The following CSNK2A2IP variants were observed in gnomAD, a reference collection of about 807,000 sequenced individuals.
CSNK2A2IP encodes the protein casein kinase 2 subunit alpha' interacting protein, also known as casein kinase II subunit alpha'-interacting protein.
the CSNK2A2IP span, among the ~76,000 whole-genome samples, chr3:88,353,487 G>A: frequency 6.6e-6 from 1 of 152,134 alleles, no homozygotes; most frequent in South Asian, 2.1e-4. Flanking sequence ...CCCTGCCATG[G>A]AAGCATATGT....
At chr3:88,383,015 G>A in the CSNK2A2IP span, among the ~76,000 whole-genome samples, 1 of 152,124 alleles carries the variant, frequency 6.6e-6, no homozygotes, top group Non-Finnish European at 1.5e-5. Context: ...TTGTAAAACA[G>A]TTTACACTGT....
the CSNK2A2IP span, among the ~76,000 whole-genome samples, chr3:88,388,203 AT>A: frequency 6.6e-6 from 1 of 152,178 alleles, no homozygotes; most frequent in African/African-American, 2.4e-5. Flanking sequence ...TTTCATATAA[AT>A]TTATGATTAA....
the CSNK2A2IP span, among the ~76,000 whole-genome samples, chr3:88,409,175 C>T: frequency 6.6e-6 from 1 of 152,002 alleles, no homozygotes; most frequent in African/African-American, 2.4e-5. Flanking sequence ...AATTTGATTC[C>T]AATTTTATTA....
At chr3:88,450,227 A>G in the CSNK2A2IP span, among the ~76,000 whole-genome samples, 2 of 152,136 alleles carry the variant, frequency 1.3e-5, no homozygotes, top group African/African-American at 2.4e-5. Flanking sequence ...ACATGATGTT[A>G]TAGGAAACAT....
At chr3:88,345,458 T>C in the CSNK2A2IP span, among the ~76,000 whole-genome samples, 3 of 152,030 alleles carry the variant, frequency 2.0e-5, no homozygotes, top group Admixed American at 6.6e-5. Flanking sequence ...TGAAGGTTTG[T>C]GGCAACTCAG....
At chr3:88,385,192 G>A in the CSNK2A2IP span, among the ~76,000 whole-genome samples, 5 of 152,132 alleles carry the variant, frequency 3.3e-5, no homozygotes, top group South Asian at 2.1e-4. Context: ...CACATTGGTC[G>A]CAGGCCGAAT....
At chr3:88,345,910 AAGTT>A in the CSNK2A2IP span, among the ~76,000 whole-genome samples, 6 of 152,136 alleles carry the variant, frequency 3.9e-5, no homozygotes, top group Admixed American at 1.3e-4. Flanking sequence ...GGCAGGTTGA[AAGTT>A]AGGCCTCTTG....
the CSNK2A2IP span, among the ~76,000 whole-genome samples, chr3:88,426,549 T>C: frequency 3.9e-5 from 6 of 152,138 alleles, no homozygotes; most frequent in Non-Finnish European, 8.8e-5. Context: ...GTTCCCATAA[T>C]CCCCACATGT....
the CSNK2A2IP span, among the ~76,000 whole-genome samples, chr3:88,436,447 A>G: frequency 6.6e-6 from 1 of 152,166 alleles, no homozygotes; most frequent in East Asian, 1.9e-4. Flanking sequence ...TTTTGATCCT[A>G]TAAGGCACTT....
At chr3:88,360,089 C>T in the CSNK2A2IP span, among the ~76,000 whole-genome samples, 3 of 151,486 alleles carry the variant, frequency 2.0e-5, no homozygotes, top group Admixed American at 2.0e-4. Context: ...TTGGATTGAC[C>T]CCTTTGCAAT....
the CSNK2A2IP span, among the ~76,000 whole-genome samples, chr3:88,353,037 T>TA: frequency 6.6e-5 from 10 of 152,142 alleles, no homozygotes. Flanking sequence ...ACTTGTTTTC[T>TA]AAAAAAATAA....
chr3:88,449,874 T>TATATATAGAGAGAGAGAGAG, the CSNK2A2IP span, among the ~76,000 whole-genome samples: 2 of 70,108 alleles, frequency 2.9e-5, no homozygotes, highest in African/African-American at 4.7e-5. Flanking sequence ...TATATATATA[T>TATATATAGAGAGAGAGAGAG]AGAGAGAGAG....
chr3:88,429,832 A>T, the CSNK2A2IP span, among the ~76,000 whole-genome samples: 1 of 152,064 alleles, frequency 6.6e-6, no homozygotes, highest in Non-Finnish European at 1.5e-5. Context: ...AGCTCACTGC[A>T]AGCTCCGCCT....
chr3:88,422,054 G>T, the CSNK2A2IP span, among the ~76,000 whole-genome samples: 1 of 152,148 alleles, frequency 6.6e-6, no homozygotes, highest in Non-Finnish European at 1.5e-5. Flanking sequence ...GAGAGTCCAT[G>T]TGTTTCTGTG....
the CSNK2A2IP span, among the ~76,000 whole-genome samples, chr3:88,432,900 G>A: frequency 6.6e-6 from 1 of 151,556 alleles, no homozygotes; most frequent in African/African-American, 2.4e-5. Flanking sequence ...ATACTATTAA[G>A]AATAAGAGTT....
At chr3:88,435,754 C>T in the CSNK2A2IP span, among the ~76,000 whole-genome samples, 10 of 151,128 alleles carry the variant, frequency 6.6e-5, no homozygotes, top group African/African-American at 2.4e-4. Context: ...TTTGTAGTAA[C>T]TTAGTATGAG....
chr3:88,372,153 G>A, the CSNK2A2IP span, among the ~76,000 whole-genome samples: 1 of 151,532 alleles, frequency 6.6e-6, no homozygotes, highest in Non-Finnish European at 1.5e-5. Context: ...TTTTTTAAAA[G>A]ATCTATGGCT....
the CSNK2A2IP span, among the ~76,000 whole-genome samples, chr3:88,458,106 CATCA>C: frequency 6.8e-6 from 1 of 147,170 alleles, no homozygotes; most frequent in African/African-American, 2.5e-5. Flanking sequence ...TCTGCAGTAA[CATCA>C]CCTCTCTTAA....
chr3:88,422,947 T>C, the CSNK2A2IP span, among the ~76,000 whole-genome samples: 2 of 152,234 alleles, frequency 1.3e-5, no homozygotes, highest in African/African-American at 2.4e-5. Flanking sequence ...ATTGTTGCTT[T>C]CTGAAAAAAT....
Sources: gnomAD v4.1 joint callset for allele counts (sites outside exome capture counted in the v4.1 genomes callset) on GRCh38, gnomAD v4.1.1 for gene constraint, MANE v1.5 for transcripts, NCBI Gene and HGNC (gene_info 2026-07-23, HGNC 2026-07-21) for gene names.